EXT1: variants seen among roughly 807,000 people sequenced by gnomAD.
EXT1 encodes exostosin-1.
Under a neutral mutation model 82.5 loss-of-function variants are expected in EXT1, and 20 were observed. That is an observed-to-expected ratio of 0.24 (90% CI 0.17 to 0.35). EXT1 has a LOEUF of 0.35. Ranked by LOEUF, EXT1 falls within the 10% of genes least tolerant of loss-of-function variation. The pLI is 1.00. For synonymous variants in EXT1, 348 were observed against 350.8 expected (o/e 0.99, Z 0.09); for missense variants, 757 against 936.5 (o/e 0.81, Z 2.50).
At chr8:117,831,784 C>T (rs1812103454) in intron 3 of EXT1, 1 of 404,538 alleles carries the variant, frequency 2.5e-6, no homozygotes, top group African/African-American at 2.1e-5. Flanking sequence ...TTCAGCACTC[C>T]CCTTAGGAGG....
chr8:117,840,296 A>T (rs546558333), intron 1 of EXT1, among the ~76,000 whole-genome samples: 8 of 152,188 alleles, frequency 5.3e-5, no homozygotes, highest in Admixed American at 3.3e-4. Context: ...AGGTCCCATC[A>T]AGAAAGTGAA....
At chr8:117,956,411 A>C (rs538941219) in intron 1 of EXT1, among the ~76,000 whole-genome samples, 24 of 152,322 alleles carry the variant, frequency 1.6e-4, no homozygotes, top group African/African-American at 5.8e-4. Flanking sequence ...GTATTTCAAC[A>C]TAGAGGAAAA....
At chr8:117,817,779 C>G (rs1303051752) in intron 7 of EXT1, among the ~76,000 whole-genome samples, 1 of 152,154 alleles carries the variant, frequency 6.6e-6, no homozygotes, top group Non-Finnish European at 1.5e-5. Flanking sequence ...GATTGGAAGG[C>G]TGGCTAGGGC....
At chr8:118,063,922 A>G (rs951765848) in intron 1 of EXT1, among the ~76,000 whole-genome samples, 15 of 152,188 alleles carry the variant, frequency 9.9e-5, no homozygotes, top group African/African-American at 3.6e-4. Context: ...GCTGGAATGC[A>G]GTGGTACAAT....
Position 117,821,674 on chromosome 8 carries a change from G to A in EXT1, c.1417+791C>T, listed in dbSNP as rs143815802. Among the ~76,000 whole-genome samples the A allele has an allele frequency of 1.8e-3, 271 of 152,270 alleles. No homozygotes were observed. The East Asian group carries it at 0.018, about 10-fold the overall frequency. On this transcript the variant is annotated intron_variant, in intron 5 of 10. Coordinates refer to ENST00000378204, the MANE Select transcript of EXT1 (RefSeq NM_000127.3). ...CAACTTAAAAGGGTGAGGGTGTTAC[G>A]GAGAACAACGGCACTGAATGGAAAA...
chr8:117,969,213 G>C (rs1462035176), intron 1 of EXT1, among the ~76,000 whole-genome samples: 1 of 152,176 alleles, frequency 6.6e-6, no homozygotes, highest in Non-Finnish European at 1.5e-5. Flanking sequence ...TCCCTTCCTT[G>C]TCATCCCTGT....
At chr8:118,097,553 TGTACA>T (rs1817643681) in intron 1 of EXT1, among the ~76,000 whole-genome samples, 1 of 152,222 alleles carries the variant, frequency 6.6e-6, no homozygotes. Context: ...GAGAGTCTAC[TGTACA>T]GTTAAGGTTG....
chr8:118,034,816 C>G (rs763615820), intron 1 of EXT1, among the ~76,000 whole-genome samples: 4 of 152,136 alleles, frequency 2.6e-5, no homozygotes, highest in Non-Finnish European at 4.4e-5. Context: ...AATAATTATA[C>G]CAATGGCCCA....
At chr8:117,926,225 T>C (rs1292383483) in intron 1 of EXT1, among the ~76,000 whole-genome samples, 1 of 152,172 alleles carries the variant, frequency 6.6e-6, no homozygotes, top group African/African-American at 2.4e-5. Flanking sequence ...ATCATTTGAG[T>C]CATAAACTTC....
At chr8:118,032,991 T>C (rs980609683) in intron 1 of EXT1, among the ~76,000 whole-genome samples, 5 of 152,190 alleles carry the variant, frequency 3.3e-5, no homozygotes, top group African/African-American at 9.7e-5. Flanking sequence ...TTACAGTGTA[T>C]GACAACAAAG....
At chr8:118,034,615 C>A (rs1042355931) in intron 1 of EXT1, among the ~76,000 whole-genome samples, 7 of 151,996 alleles carry the variant, frequency 4.6e-5, no homozygotes, top group Admixed American at 3.9e-4. Context: ...CATCTGAAGT[C>A]ACAGAGCTTC....
Position 117,798,598 on chromosome 8 carries a change from T to C in EXT1, c.*1114A>G, listed in dbSNP as rs1823117901. On this transcript the variant is annotated 3_prime_UTR_variant, in exon 11 of 11. Transcript: ENST00000378204. ...TTTGCCAGATTCTTGCTCAAAACAA[T>C]GTTTGACCAAAAATGGCATTAGGGT... 1 of 152,314 alleles carries C rather than the reference T, an allele frequency of 6.6e-6. No individual in the cohort carries two copies. The highest frequency in any genetic ancestry group is 1.9e-4 in the East Asian group (1 of 5,190). 9.4% of individuals were successfully genotyped at this position (152,314 alleles called of 1,614,324 possible). A position where few individuals can be genotyped will look rare whatever the true frequency, so the allele number is the denominator to read the frequency against.
Position 118,101,466 on chromosome 8 carries a change from T to G in EXT1, c.962+8619A>C, listed in dbSNP as rs113179087. On this transcript the variant is annotated intron_variant, in intron 1 of 10. Transcript: ENST00000378204. ...AGAGGTCAAAGCGACCTGTCCAAAT[T>G]TACCTCCTATGGTCCATGGAGTCAA... 5.3e-4 allele frequency among the ~76,000 whole-genome samples: 81 copies of G among 152,306 alleles called. 1 individual carries two copies. Among genetic ancestry groups the G allele is most frequent in the African/African-American group, 1.9e-3 (78 of 41,556 alleles).
chr8:118,021,457 G>T (rs1008455850), intron 1 of EXT1, among the ~76,000 whole-genome samples: 3 of 152,158 alleles, frequency 2.0e-5, no homozygotes, highest in Non-Finnish European at 2.9e-5. Context: ...AGAAATTTAT[G>T]ACTCAAATAA....
At chr8:117,958,227 C>G (rs1270036127) in intron 1 of EXT1, among the ~76,000 whole-genome samples, 1 of 151,998 alleles carries the variant, frequency 6.6e-6, no homozygotes, top group Non-Finnish European at 1.5e-5. Context: ...GCATAAATTT[C>G]TTTGTGAACA....
At position 117,830,412 on chromosome 8, in the gene EXT1, A is replaced by G. The variant is rs1812079706; in HGVS notation, c.1165-63T>C. The G allele has an allele frequency of 1.9e-6, 3 of 1,591,466 alleles. No homozygotes were observed. In the East Asian group the frequency reaches 6.7e-5, roughly 36 times the overall value. On this transcript the variant is annotated intron_variant, in intron 3 of 10. Coordinates refer to ENST00000378204, the MANE Select transcript of EXT1 (RefSeq NM_000127.3). ...AAAACAAAGAGATGCACTTGATCAA[A>G]ATAACCCAACTGGGTTAGGCTTTTA...
chr8:118,044,518 C>G (rs1189707750), intron 1 of EXT1, among the ~76,000 whole-genome samples: 1 of 152,106 alleles, frequency 6.6e-6, no homozygotes, highest in Non-Finnish European at 1.5e-5. Flanking sequence ...AGCGATTCTC[C>G]TGCCTCAACC....
intron 1 of EXT1, among the ~76,000 whole-genome samples, chr8:117,888,231 T>G (rs1052617240): frequency 3.3e-5 from 5 of 151,950 alleles, no homozygotes; most frequent in African/African-American, 1.2e-4. Context: ...GAAATACACA[T>G]GAAGTCATTT....
At chr8:117,824,511 A>G (rs1006361970) in intron 4 of EXT1, among the ~76,000 whole-genome samples, 1 of 152,226 alleles carries the variant, frequency 6.6e-6, no homozygotes, top group African/African-American at 2.4e-5. Context: ...ACCTTTGTGT[A>G]TTATTTTCCT....
Sources: allele counts gnomAD v4.1 joint callset (sites outside exome capture counted in the v4.1 genomes callset), GRCh38; gene constraint gnomAD v4.1.1; transcripts MANE v1.5; gene names NCBI Gene and HGNC (gene_info 2026-07-23, HGNC 2026-07-21).